The following SLC35F1 variants were observed in gnomAD, a reference collection of about 807,000 sequenced individuals.
SLC35F1 encodes the protein chromosome 6 open reading frame 169.
In SLC35F1, 14 loss-of-function variants were observed where a neutral mutation model predicts 48.7. The ratio of observed to expected loss-of-function variants is 0.29; its 90% confidence interval spans 0.19 to 0.45. SLC35F1 has a LOEUF of 0.45. SLC35F1 is among the 20% of genes least tolerant of loss of function. SLC35F1 has a pLI of 1.00. For missense variants in SLC35F1, 404 were observed against 500.0 expected, an observed-to-expected ratio of 0.81 and a Z score of 1.83; for synonymous variants, 190 against 202.2, an observed-to-expected ratio of 0.94 and a Z score of 0.51.
At chr6:117,923,710 C>CATATGTACATATATTT (rs1562238868) in intron 1 of SLC35F1, among the ~76,000 whole-genome samples, 1 of 22,562 alleles carries the variant, frequency 4.4e-5, no homozygotes, top group Non-Finnish European at 7.4e-5. Flanking sequence ...CATATATGTA[C>CATATGTACATATATTT]ATATATACAT....
intron 7 of SLC35F1, among the ~76,000 whole-genome samples, chr6:118,290,231 T>C (rs182639756): frequency 5.2e-4 from 79 of 152,234 alleles, no homozygotes; most frequent in African/African-American, 1.9e-3. Flanking sequence ...AAATAATTTA[T>C]ATGTAAATAT....
At chr6:118,251,277 G>A (rs541616572) in intron 3 of SLC35F1, among the ~76,000 whole-genome samples, 1 of 152,172 alleles carries the variant, frequency 6.6e-6, no homozygotes, top group African/African-American at 2.4e-5. Flanking sequence ...GGTATGTTAA[G>A]GAATGGCTTC....
chr6:118,309,265 G>A (rs1776346784), intron 7 of SLC35F1, among the ~76,000 whole-genome samples: 1 of 151,442 alleles, frequency 6.6e-6, no homozygotes, highest in Admixed American at 6.6e-5. Flanking sequence ...CAGGACCATA[G>A]CTCACTGCAG....
intron 1 of SLC35F1, among the ~76,000 whole-genome samples, chr6:118,004,883 C>G (rs1376633968): frequency 6.6e-6 from 1 of 151,694 alleles, no homozygotes; most frequent in Admixed American, 6.6e-5. Flanking sequence ...CTGTTAGGTG[C>G]TAGAGATAGA....
chr6:118,026,080 A>T lies in SLC35F1; in HGVS notation c.173+118181A>T, dbSNP rs141910626. On this transcript the variant is annotated intron_variant, in intron 1 of 7. Transcript: ENST00000360388. The stretch of plus-strand genomic sequence containing the variant: ...AGCCTTTGTCAGCCTCCAAGCTAGT[A>T]GGTTAATTAAGGCATTACTTATAGT... Among the ~76,000 whole-genome samples, 25 of 152,298 alleles carry T rather than the reference A, an allele frequency of 1.6e-4. No homozygotes were observed. The East Asian group carries it at 4.4e-3, about 27-fold the overall frequency.
At chr6:118,206,017 A>G (rs1319987190) in intron 2 of SLC35F1, among the ~76,000 whole-genome samples, 1 of 152,128 alleles carries the variant, frequency 6.6e-6, no homozygotes, top group Non-Finnish European at 1.5e-5. Flanking sequence ...TATGGGGTAC[A>G]GTGTTTGTGC....
intron 1 of SLC35F1, among the ~76,000 whole-genome samples, chr6:118,048,658 G>A (rs1290791567): frequency 1.3e-5 from 2 of 151,998 alleles, no homozygotes; most frequent in Non-Finnish European, 2.9e-5. Context: ...ACTTACAAGG[G>A]ATGTGAAGGA....
At chr6:118,259,039 T>C (rs1430427241) in intron 3 of SLC35F1, among the ~76,000 whole-genome samples, 3 of 151,722 alleles carry the variant, frequency 2.0e-5, no homozygotes, top group Non-Finnish European at 4.4e-5. Context: ...TTTTTAAAGC[T>C]ATAAAAAATT....
chr6:118,217,584 C>A (rs1343939888), intron 2 of SLC35F1, among the ~76,000 whole-genome samples: 1 of 152,050 alleles, frequency 6.6e-6, no homozygotes, highest in East Asian at 1.9e-4. Context: ...TACTTAATGT[C>A]CCTGAACTGT....
chr6:117,970,909 A>C (rs950346878), intron 1 of SLC35F1, among the ~76,000 whole-genome samples: 1 of 152,140 alleles, frequency 6.6e-6, no homozygotes, highest in Non-Finnish European at 1.5e-5. Flanking sequence ...GACACAGCCA[A>C]ATCTTATTAT....
chr6:118,181,155 G>T (rs974180372), intron 2 of SLC35F1, among the ~76,000 whole-genome samples: 1 of 152,090 alleles, frequency 6.6e-6, no homozygotes, highest in Non-Finnish European at 1.5e-5. Context: ...AACTTCAAAT[G>T]ATGTACTTCA....
At chr6:118,169,515 T>C (rs1309777134) in intron 2 of SLC35F1, among the ~76,000 whole-genome samples, 4 of 152,188 alleles carry the variant, frequency 2.6e-5, no homozygotes, top group Non-Finnish European at 5.9e-5. Flanking sequence ...GATGATCTAT[T>C]GAGCTGTGTT....
chr6:118,103,274 T>G (rs1773283651), intron 1 of SLC35F1, among the ~76,000 whole-genome samples: 1 of 152,204 alleles, frequency 6.6e-6, no homozygotes, highest in South Asian at 2.1e-4. Flanking sequence ...TTTTTAAATT[T>G]TATTATTATT....
intron 1 of SLC35F1, among the ~76,000 whole-genome samples, chr6:118,010,883 TCA>T (rs2114876054): frequency 6.6e-6 from 1 of 152,292 alleles, no homozygotes; most frequent in South Asian, 2.1e-4. Context: ...ACTCTCTCTC[TCA>T]CACAGAGACA....
intron 1 of SLC35F1, among the ~76,000 whole-genome samples, chr6:118,001,209 G>A (rs1410742818): frequency 6.6e-6 from 1 of 152,286 alleles, no homozygotes; most frequent in South Asian, 2.1e-4. Flanking sequence ...ATACTTCAAG[G>A]CTACAGTAAC....
chr6:118,217,170 A>G (rs1025488636), intron 2 of SLC35F1, among the ~76,000 whole-genome samples: 13 of 152,218 alleles, frequency 8.5e-5, no homozygotes, highest in African/African-American at 3.1e-4. Context: ...AGACTTGAAC[A>G]GATACTTGCC....
At chr6:118,235,751 T>C (rs1775356674) in intron 3 of SLC35F1, 115 bp downstream of exon 3, 2 of 1,021,568 alleles carry the variant, frequency 2.0e-6, no homozygotes, top group East Asian at 2.6e-5. Flanking sequence ...TATACTATAG[T>C]ATACAGACTG....
At chr6:117,977,724 A>T (rs565364675) in intron 1 of SLC35F1, among the ~76,000 whole-genome samples, 1 of 152,276 alleles carries the variant, frequency 6.6e-6, no homozygotes, top group East Asian at 1.9e-4. Flanking sequence ...TTTTAAAAAT[A>T]TATGCATTTG....
At chr6:118,293,491 T>G (rs1776148985) in intron 7 of SLC35F1, among the ~76,000 whole-genome samples, 1 of 152,196 alleles carries the variant, frequency 6.6e-6, no homozygotes. Flanking sequence ...CAGGATAATA[T>G]CCTCACCTCA....
Sources: allele counts gnomAD v4.1 joint callset (sites outside exome capture counted in the v4.1 genomes callset), GRCh38; gene constraint gnomAD v4.1.1; transcripts MANE v1.5; gene names NCBI Gene and HGNC (gene_info 2026-07-23, HGNC 2026-07-21).